Variants in NDRG3 observed in about 807,000 individuals in gnomAD.
NDRG3 encodes NDRG family member 3.
In NDRG3, 23 loss-of-function variants were observed where a neutral mutation model predicts 57.2. That is an observed-to-expected ratio of 0.40 (90% CI 0.29 to 0.57). The LOEUF (loss-of-function observed/expected upper bound fraction) is 0.57, where lower values mean the gene tolerates loss of function less well. NDRG3 is among the 20% of genes least tolerant of loss of function. NDRG3 has a pLI of 0.42. For missense variants in NDRG3, 384 were observed against 457.3 expected, an observed-to-expected ratio of 0.84 and a Z score of 1.46; for synonymous variants, 132 against 162.6, an observed-to-expected ratio of 0.81 and a Z score of 1.43.
At chr20:36,681,257 AG>A (rs1180401409) in intron 7 of NDRG3, among the ~76,000 whole-genome samples, 2 of 152,070 alleles carry the variant, frequency 1.3e-5, no homozygotes, top group Non-Finnish European at 2.9e-5. Context: ...AGGCTTCTGA[AG>A]TTTTTTTTTC....
intron 3 of NDRG3, among the ~76,000 whole-genome samples, chr20:36,699,693 G>GGT (rs368581166): frequency 0.031 from 4,651 of 149,544 alleles, 91 homozygotes; most frequent in Middle Eastern, 0.07. Context: ...GTGGTGGTAG[G>GGT]GTGTGTGTGT....
chr20:36,680,996 C>A, intron 7 of NDRG3, 94 bp from the exon 8 acceptor site: 10 of 919,272 alleles, frequency 1.1e-5, no homozygotes, highest in Non-Finnish European at 1.5e-5. Flanking sequence ...TACTTACATG[C>A]CTTAATGCCT....
intron 10 of NDRG3, 116 bp downstream of exon 10, chr20:36,666,173 C>T (rs919547746): frequency 2.6e-6 from 2 of 761,322 alleles, no homozygotes; most frequent in African/African-American, 1.7e-5. Flanking sequence ...AAGGGGCTCA[C>T]ATTTTCACCT....
chr20:36,693,340 G>A (rs976842023), intron 3 of NDRG3, among the ~76,000 whole-genome samples: 2 of 150,720 alleles, frequency 1.3e-5, no homozygotes, highest in African/African-American at 2.4e-5. Context: ...AGGGTTAGTG[G>A]TGCCAACCCA....
intron 1 of NDRG3, among the ~76,000 whole-genome samples, chr20:36,727,339 C>A (rs1489668666): frequency 1.3e-5 from 2 of 152,036 alleles, no homozygotes; most frequent in African/African-American, 2.4e-5. Context: ...CCTGCCTCAG[C>A]CTCCCGAGTA....
intron 8 of NDRG3, among the ~76,000 whole-genome samples, chr20:36,677,695 CG>C (rs1235869621): frequency 6.6e-6 from 1 of 152,172 alleles, no homozygotes; most frequent in Non-Finnish European, 1.5e-5. Context: ...GGCCTCCTGT[CG>C]GCAAAGAGCT....
intron 1 of NDRG3, among the ~76,000 whole-genome samples, chr20:36,739,583 G>A (rs1193606026): frequency 2.0e-5 from 3 of 151,960 alleles, no homozygotes; most frequent in Non-Finnish European, 2.9e-5. Context: ...TGAGGTGGGC[G>A]GATCACGAGG....
intron 15 of NDRG3, 47 bp downstream of exon 15, chr20:36,656,313 C>T: frequency 1.3e-6 from 2 of 1,583,446 alleles, no homozygotes; most frequent in Non-Finnish European, 1.7e-6. Flanking sequence ...AAACTGGCTC[C>T]CAATATTCCT....
In NDRG3 at chr20:36,688,726, T is replaced by C. The variant is rs144505074; in HGVS notation, c.152A>G (p.Lys51Arg). Reference protein sequence around the residue: ...VVHVTIRGLPKGNRPVILTYH... With the variant: ...VVHVTIRGLPRGNRPVILTYH... ...TGTTAGTATAACTGGTCTGTTTCCT[T>C]TGGGTAAGCCTCTTATAGTGACGTG... is the stretch of plus-strand genomic sequence containing the variant. The change falls in exon 4 of 16, where the codon AAA becomes AGA. Residue 51 changes from lysine to arginine, a missense_variant. Physicochemically the swap from Lys to Arg is conservative, Grantham distance 26 (BLOSUM62 2). Coordinates refer to ENST00000349004, the MANE Select transcript of NDRG3 (RefSeq NM_032013.4). The C allele has an allele frequency of 1.7e-5, 27 of 1,613,944 alleles. No homozygotes were observed. The African/African-American group carries it at 2.7e-4, about 16-fold the overall frequency.
At chr20:36,674,066 TGC>T (rs1403735961) in intron 8 of NDRG3, among the ~76,000 whole-genome samples, 2 of 152,156 alleles carry the variant, frequency 1.3e-5, no homozygotes, top group Admixed American at 1.3e-4. Flanking sequence ...ATCACGCCAC[TGC>T]ACACTCCAGC....
At chr20:36,736,280 T>C (rs1030653346) in intron 1 of NDRG3, among the ~76,000 whole-genome samples, 5 of 152,340 alleles carry the variant, frequency 3.3e-5, no homozygotes, top group South Asian at 2.1e-4. Flanking sequence ...TGGGCTAACG[T>C]AGGGCCTGAG....
At chr20:36,690,919 G>T (rs1040028880) in intron 3 of NDRG3, among the ~76,000 whole-genome samples, 7 of 152,262 alleles carry the variant, frequency 4.6e-5, no homozygotes, top group Admixed American at 4.6e-4. Context: ...AGTAGATGCC[G>T]CACTAAGAGT....
chr20:36,673,331 TAA>T (rs1192016453), intron 8 of NDRG3, among the ~76,000 whole-genome samples: 7 of 152,180 alleles, frequency 4.6e-5, no homozygotes, highest in Non-Finnish European at 8.8e-5. Flanking sequence ...TAGAATATTT[TAA>T]GTTTTAATAA....
intron 1 of NDRG3, among the ~76,000 whole-genome samples, chr20:36,735,761 G>A (rs1985572700): frequency 6.6e-6 from 1 of 152,070 alleles, no homozygotes; most frequent in Non-Finnish European, 1.5e-5. Flanking sequence ...GGCTGAGGTG[G>A]GAGGATCACT....
chr20:36,671,137 T>A (rs897146916), intron 9 of NDRG3, among the ~76,000 whole-genome samples: 1 of 152,200 alleles, frequency 6.6e-6, no homozygotes, highest in African/African-American at 2.4e-5. Context: ...GATGCTGTCT[T>A]CTCTCATAGC....
At chr20:36,717,461 G>A (rs780295452) in intron 2 of NDRG3, among the ~76,000 whole-genome samples, 4 of 152,184 alleles carry the variant, frequency 2.6e-5, no homozygotes, top group Non-Finnish European at 5.9e-5. Context: ...TAAAGAGACA[G>A]GGTAAGCCAC....
In NDRG3 at chr20:36,671,643, A is replaced by C. The variant is rs543600523; in HGVS notation, c.532-246T>G. 1.2e-4 allele frequency among the ~76,000 whole-genome samples: 18 copies of C among 152,222 alleles called. No individual in the cohort carries two copies. In the South Asian group the frequency reaches 3.7e-3, roughly 32 times the overall value. ...CGGTGAAACCCTGTCTCTACTAAAA[A>C]TACAAAAAATTAGCCAGGTGTGGTG... On this transcript the variant is annotated intron_variant, in intron 8 of 15. Transcript: ENST00000349004.
At chr20:36,715,317 G>A (rs996901835) in intron 2 of NDRG3, among the ~76,000 whole-genome samples, 9 of 150,870 alleles carry the variant, frequency 6.0e-5, no homozygotes, top group South Asian at 2.1e-4. Flanking sequence ...TACCTGCTTC[G>A]GAACCCATTT....
At chr20:36,707,030 A>G (rs1371364629) in intron 2 of NDRG3, 23 bp from the exon 3 acceptor site, 1 of 1,612,240 alleles carries the variant, frequency 6.2e-7, no homozygotes, top group Admixed American at 1.7e-5. Flanking sequence ...GACAGAAAAC[A>G]CAGTCAGTTT....
Sources: allele counts gnomAD v4.1 joint callset (sites outside exome capture counted in the v4.1 genomes callset), GRCh38; gene constraint gnomAD v4.1.1; transcripts MANE v1.5; gene names NCBI Gene and HGNC (gene_info 2026-07-23, HGNC 2026-07-21).